The following LONP1 variants were observed in gnomAD, a reference collection of about 807,000 sequenced individuals.
LONP1 encodes lon protease homolog, mitochondrial.
LONP1 carries 31 observed loss-of-function variants against 98.5 expected under a neutral mutation model. The observed-to-expected ratio is 0.31, with a 90% CI of 0.24 to 0.42. LONP1 has a LOEUF of 0.42. Among genes scored for constraint, LONP1 ranks in the 20% least tolerant of loss-of-function variants. LONP1 has a pLI of 1.00. For missense variants in LONP1, 1,336 were observed against 1,350.6 expected (o/e 0.99, Z 0.17); for synonymous variants, 781 against 594.7 (o/e 1.31, Z -4.56).
chr19:5,695,624 GA>G (rs879325550), intron 13 of LONP1, among the ~76,000 whole-genome samples: 4 of 151,024 alleles, frequency 2.6e-5, no homozygotes, highest in South Asian at 2.1e-4. Context: ...CACCTTTGCA[GA>G]AAAAAAAACA....
Position 5,696,271 on chromosome 19 carries a change from T to C in LONP1, c.1874A>G (p.Asp625Gly). Residue 625 changes from aspartate (D) to glycine (G), a missense_variant, in exon 12 of 18, where the codon GAC becomes GGC. Asp to Gly is a moderately conservative substitution (Grantham distance 94, BLOSUM62 -1). Coordinates refer to ENST00000360614, the MANE Select transcript of LONP1 (RefSeq NM_004793.4). ...CACCTTGGACAAGTCCACGGGCACG[T>C]CCAGGTAGTGGTCCAGGAAGTTGGC... ...QNANFLDHYL[D>G]VPVDLSKVLF... 6.2e-7 allele frequency: 1 copy of C among 1,613,326 alleles called. No individual in the cohort carries two copies. Among genetic ancestry groups the C allele is most frequent in the Non-Finnish European group, 8.5e-7 (1 of 1,179,862 alleles).
chr19:5,720,045 G>A lies in LONP1; in HGVS notation c.88C>T (p.Arg30Trp), dbSNP rs2055412030. 1.9e-6 allele frequency: 3 copies of A among 1,540,974 alleles called. No homozygotes were observed. The highest frequency in any genetic ancestry group is 2.1e-4 in the Middle Eastern group (1 of 4,802). ...RRPMLAAAGG[R>W]VPTAAGAWLL... is the part of the protein sequence containing the mutation. The stretch of plus-strand genomic sequence containing the variant: ...CACGCTCCTGCTGCAGTGGGAACCC[G>A]CCCCCCGGCGGCGGCCAGCATCGGC... The change falls in exon 1 of 18, where the codon CGG becomes TGG. Residue 30 changes from arginine (R) to tryptophan (W), a missense_variant. Arg to Trp is a moderately radical substitution (Grantham distance 101). Coordinates refer to ENST00000360614, the MANE Select transcript of LONP1 (RefSeq NM_004793.4).
At chr19:5,715,880 C>T (rs2055310539) in intron 1 of LONP1, among the ~76,000 whole-genome samples, 1 of 151,850 alleles carries the variant, frequency 6.6e-6, no homozygotes, top group South Asian at 2.1e-4. Context: ...CCTGGTTCCT[C>T]CAATTTTCAT....
chr19:5,712,609 G>GCCT, intron 3 of LONP1: 1 of 187,914 alleles, frequency 5.3e-6, no homozygotes, highest in Non-Finnish European at 1.1e-5. Flanking sequence ...CAATCCTCCT[G>GCCT]CCTCAGCCTC....
chr19:5,716,667 C>G (rs2055329539), intron 1 of LONP1, among the ~76,000 whole-genome samples: 1 of 151,854 alleles, frequency 6.6e-6, no homozygotes, highest in Non-Finnish European at 1.5e-5. Context: ...GCTTGTACCT[C>G]TGTACTGTAA....
chr19:5,702,406 G>A (rs1450327963), intron 8 of LONP1, among the ~76,000 whole-genome samples: 9 of 147,758 alleles, frequency 6.1e-5, no homozygotes, highest in East Asian at 4.0e-4. Context: ...GGTGAGGGGC[G>A]CCTCTGCCCG....
At chr19:5,712,929 C>G (rs1448795584) in intron 3 of LONP1, among the ~76,000 whole-genome samples, 1 of 152,216 alleles carries the variant, frequency 6.6e-6, no homozygotes, top group Non-Finnish European at 1.5e-5. Flanking sequence ...CCATGCCTGG[C>G]CCTGCAGCTC....
chr19:5,711,949 T>C lies in LONP1; in HGVS notation c.692A>G (p.Asn231Ser), dbSNP rs748977115. ...TGACTTCCTGCGGGGCTTGTGCTTG[T>C]TCTCCGCCTCCGGCTCCTCGGGCTC... ...EVEPEEPEAENKHKPRRKSKR... is the reference protein window; with the variant it reads ...EVEPEEPEAESKHKPRRKSKR... Residue 231 changes from asparagine (N) to serine (S), a missense_variant, in exon 4 of 18, where the codon AAC becomes AGC. Physicochemically the swap from Asn to Ser is conservative, Grantham distance 46. Around this residue, in one of 5 missense-constraint regions of LONP1, gnomAD observed 457 missense variants for 403.1 expected, o/e 1.13. Coordinates refer to ENST00000360614, the MANE Select transcript of LONP1 (RefSeq NM_004793.4). 7 of 1,613,120 alleles carry C rather than the reference T, an allele frequency of 4.3e-6. No individual in the cohort carries two copies. In the East Asian group the frequency reaches 1.6e-4, roughly 36 times the overall value.
intron 4 of LONP1, 34 bp from the exon 5 acceptor site, chr19:5,708,437 G>T (rs1254759481): frequency 7.2e-6 from 8 of 1,108,540 alleles, no homozygotes; most frequent in Non-Finnish European, 1.0e-5. Context: ...CTGGGGCCCA[G>T]CAGTGCTCCA....
chr19:5,709,593 T>C (rs2055203839), intron 4 of LONP1, among the ~76,000 whole-genome samples: 1 of 152,018 alleles, frequency 6.6e-6, no homozygotes, highest in East Asian at 1.9e-4. Flanking sequence ...ACAGGCCCAC[T>C]GGAGGTCCGG....
chr19:5,699,071 G>T lies in LONP1; in HGVS notation c.1641C>A (p.Phe547Leu). The change falls in exon 10 of 18, where the codon TTC becomes TTA. Residue 547 changes from phenylalanine to leucine, a missense_variant. By Grantham distance (22) the Phe-to-Leu change is conservative. Transcript: ENST00000360614. Reference protein sequence around the residue: ...ARALNREYFRFSVGGMTDVAE... With the variant: ...ARALNREYFRLSVGGMTDVAE... The stretch of plus-strand genomic sequence containing the variant: ...CCACGTCAGTCATGCCCCCGACGCT[G>T]AAGCGGAAGTACTCTCGGTTCAGGG... The T allele has an allele frequency of 6.2e-7, 1 of 1,609,206 alleles. No individual in the cohort carries two copies. The highest frequency in any genetic ancestry group is 1.7e-5 in the Admixed American group (1 of 59,796).
rs1420221301 is a variant in LONP1 at position 5,694,846 on chromosome 19, T to C, written c.2069A>G (p.Lys690Arg). ...CAGCGTCAGCACGTCCGATGACAGC[T>C]TGGCCTTGCTCTCATCCAAGCCACA... Reference protein sequence around the residue: ...ALCGLDESKAKLSSDVLTLLI... With the variant: ...ALCGLDESKARLSSDVLTLLI... The change falls in exon 14 of 18, where the codon AAG becomes AGG. Residue 690 changes from lysine to arginine, a missense_variant. Lys to Arg is a conservative substitution (Grantham distance 26, BLOSUM62 2). Transcript: ENST00000360614. The C allele has an allele frequency of 2.5e-6, 4 of 1,604,436 alleles. No individual in the cohort carries two copies. The highest frequency in any genetic ancestry group is 3.4e-6 in the Non-Finnish European group (4 of 1,173,166).
intron 17 of LONP1, among the ~76,000 whole-genome samples, chr19:5,692,904 G>A (rs2054854919): frequency 6.6e-6 from 1 of 152,090 alleles, no homozygotes; most frequent in Non-Finnish European, 1.5e-5. Flanking sequence ...AGGGAAGAGT[G>A]GGGACAGTGG....
rs1283286257 is a variant in LONP1, at chr19:5,700,931, C to T, written c.1368-4G>A. On this transcript the variant is annotated splice_region_variant and splice_polypyrimidine_tract_variant and intron_variant, in intron 8 of 17. Transcript: ENST00000360614. ...GTCTAGGTAGTTGCGGGTGACACTGCCAGGGGACAGATGGAGAGATGCTGA... is the reference window on the plus strand; with the variant it reads ...GTCTAGGTAGTTGCGGGTGACACTGTCAGGGGACAGATGGAGAGATGCTGA... The T allele has an allele frequency of 1.2e-6, 2 of 1,614,086 alleles. No individual in the cohort carries two copies. The highest frequency in any genetic ancestry group is 1.7e-6 in the Non-Finnish European group (2 of 1,179,974).
At position 5,693,228 on chromosome 19, in the gene LONP1, C is replaced by CGG. The variant is rs931757675; in HGVS notation, c.2703+68_2703+69dup. Reference sequence around the variant, plus strand: ...CTTGGCCCAGGCAGAGGTTGCATGGCGGGGACTGGGCCTGTCCCGTGGTGG... The same window carrying CGG: ...CTTGGCCCAGGCAGAGGTTGCATGGCGGGGGGACTGGGCCTGTCCCGTGGTGG... On this transcript the variant is annotated intron_variant, in intron 17 of 17. Coordinates refer to ENST00000360614, the MANE Select transcript of LONP1 (RefSeq NM_004793.4). 2.8e-5 allele frequency: 43 copies of CGG among 1,527,194 alleles called. No homozygotes were observed. In the Middle Eastern group the frequency reaches 3.0e-3, roughly 108 times the overall value. The allele number at this position is 1,527,194 out of a possible 1,614,324, so 94.6% of individuals were successfully genotyped here. A position where few individuals can be genotyped will look rare whatever the true frequency, so the allele number is the denominator to read the frequency against.
At chr19:5,715,605 G>A (rs1465762243) in intron 1 of LONP1, among the ~76,000 whole-genome samples, 1 of 116,100 alleles carries the variant, frequency 8.6e-6, no homozygotes, top group Non-Finnish European at 1.6e-5. Flanking sequence ...TCACGCCACT[G>A]CACTCCAGCC....
chr19:5,692,309 C>T (rs1033430603), intron 17 of LONP1, 101 bp from the exon 18 acceptor site: 3 of 1,174,480 alleles, frequency 2.6e-6, no homozygotes, highest in East Asian at 4.8e-5. Flanking sequence ...CGGCGATACA[C>T]AGTGATGCCG....
Position 5,719,964 on chromosome 19 carries a change from G to T in LONP1, c.169C>A (p.Arg57=), listed in dbSNP as rs868837141. The T allele has an allele frequency of 6.3e-7, 1 of 1,575,548 alleles. No homozygotes were observed. Among genetic ancestry groups the T allele is most frequent in the Non-Finnish European group, 8.6e-7 (1 of 1,162,768 alleles). Residue 57 remains arginine (R), a synonymous_variant, in exon 1 of 18, where the codon CGA becomes AGA. Transcript: ENST00000360614. ...DASPPWALWG[R]GPAIGGQWRG... is the part of the protein sequence containing the mutation. Reference sequence around the variant, plus strand: ...CATTGGCCCCCAATTGCCGGGCCTCGGCCCCACAGTGCCCAAGGAGGAGAG... The same window carrying T: ...CATTGGCCCCCAATTGCCGGGCCTCTGCCCCACAGTGCCCAAGGAGGAGAG...
Position 5,693,558 on chromosome 19 carries a change from C to G in LONP1, c.2532G>C (p.Val844=), listed in dbSNP as rs764433004. 1.2e-6 allele frequency: 2 copies of G among 1,614,044 alleles called. No individual in the cohort carries two copies. The highest frequency in any genetic ancestry group is 1.3e-5 in the African/African-American group (1 of 75,032). ...YLVTSHIHLH[V]PEGATPKDGP... is the part of the protein sequence containing the mutation. The stretch of plus-strand genomic sequence containing the variant: ...GAGCGGATGGCGCGGTCACCTCGGG[C>G]ACATGCAGGTGGATGTGTGAGGTCA... The change falls in exon 16 of 18, where the codon GTG becomes GTC. Residue 844 remains valine, a synonymous_variant. Coordinates refer to ENST00000360614, the MANE Select transcript of LONP1 (RefSeq NM_004793.4).
Sources: allele counts gnomAD v4.1 joint callset (sites outside exome capture counted in the v4.1 genomes callset), GRCh38; gene constraint gnomAD v4.1.1; regional missense constraint gnomAD v4.1.1; transcripts MANE v1.5; gene names NCBI Gene and HGNC (gene_info 2026-07-23, HGNC 2026-07-21).